GALNT18: variants seen among roughly 807,000 people sequenced by gnomAD.
GALNT18 encodes GalNAc-transferase 18.
GALNT18 carries 44 observed loss-of-function variants against 69.5 expected under a neutral mutation model. The ratio of observed to expected loss-of-function variants is 0.63; its 90% confidence interval spans 0.50 to 0.81. The LOEUF (loss-of-function observed/expected upper bound fraction) is 0.81. GALNT18 is among the 40% of genes least tolerant of loss of function. The pLI, the probability that GALNT18 is intolerant of heterozygous loss-of-function variation, is 0.00. For synonymous variants in GALNT18, 364 were observed against 318.2 expected, an observed-to-expected ratio of 1.14 and a Z score of -1.53; for missense variants, 715 against 810.0, an observed-to-expected ratio of 0.88 and a Z score of 1.42.
chr11:11,600,548 T>C lies in GALNT18; in HGVS notation c.235+20811A>G, dbSNP rs2133944740. On this transcript the variant is annotated intron_variant, in intron 1 of 10. Coordinates refer to ENST00000227756, the MANE Select transcript of GALNT18 (RefSeq NM_198516.3). The surrounding 1 kb of genome is among the most constrained non-coding windows in gnomAD (Gnocchi z 4.8). ...GTATTCTCTTGTAGGTGATAAGTGG[T>C]CTTTCTGTTACTGCTTCCAAGATTT... Among the ~76,000 whole-genome samples, 1 of 152,216 alleles carries C rather than the reference T, an allele frequency of 6.6e-6. No homozygotes were observed. Among genetic ancestry groups the C allele is most frequent in the Non-Finnish European group, 1.5e-5 (1 of 67,952 alleles).
intron 9 of GALNT18, among the ~76,000 whole-genome samples, chr11:11,299,314 T>G (rs1240103534): frequency 6.6e-6 from 1 of 152,148 alleles, no homozygotes; most frequent in African/African-American, 2.4e-5. Flanking sequence ...CCAGCTAATT[T>G]TTTTTACTTT....
At chr11:11,284,811 TAAAG>T (rs1055869481) in intron 10 of GALNT18, among the ~76,000 whole-genome samples, 16 of 129,272 alleles carry the variant, frequency 1.2e-4, no homozygotes, top group East Asian at 2.2e-4. Flanking sequence ...TACAGCTAGT[TAAAG>T]AAACCCTGAG....
At chr11:11,397,683 C>A (rs1388379923) in intron 3 of GALNT18, among the ~76,000 whole-genome samples, 2 of 152,148 alleles carry the variant, frequency 1.3e-5, no homozygotes, top group African/African-American at 4.8e-5. Context: ...GTTGGCCAGG[C>A]TGTTCTTGAA....
chr11:11,394,629 A>C (rs1386696740), intron 3 of GALNT18, among the ~76,000 whole-genome samples: 1 of 152,186 alleles, frequency 6.6e-6, no homozygotes, highest in Non-Finnish European at 1.5e-5. Context: ...TTTCCCCCCA[A>C]ATAACACAAG....
At chr11:11,503,634 T>C (rs535649314) in intron 1 of GALNT18, among the ~76,000 whole-genome samples, 2 of 152,332 alleles carry the variant, frequency 1.3e-5, no homozygotes, top group East Asian at 1.9e-4. Context: ...GAGTGTGAGT[T>C]TGACAGTAAG....
At position 11,605,941 on chromosome 11, in the gene GALNT18, T is replaced by C. The variant is rs928027802; in HGVS notation, c.235+15418A>G. On this transcript the variant is annotated intron_variant, in intron 1 of 10. Coordinates refer to ENST00000227756, the MANE Select transcript of GALNT18 (RefSeq NM_198516.3). This position sits in a 1 kb window ranked among gnomAD's most constrained non-coding sequence, Gnocchi z 4.7. ...ACACACACACCACTGAGCTTCAGCT[T>C]CCCTTTGATTAAATCTTGACACAGT... Among the ~76,000 whole-genome samples the C allele has an allele frequency of 2.6e-5, 4 of 152,144 alleles. No homozygotes were observed. Among genetic ancestry groups the C allele is most frequent in the African/African-American group, 7.2e-5 (3 of 41,420 alleles).
rs1490466731 is a variant in GALNT18 at position 11,356,837 on chromosome 11, A to G, written c.1092+15678T>C. On this transcript the variant is annotated intron_variant, in intron 6 of 10. Coordinates refer to ENST00000227756, the MANE Select transcript of GALNT18 (RefSeq NM_198516.3). This position sits in a 1 kb window ranked among gnomAD's most constrained non-coding sequence, Gnocchi z 4.4. Reference sequence around the variant, plus strand: ...TTTCTAGCTAATCACTTCATTATGTACTTTTTAAATTGCTTTGTTCTGTAG... The same window carrying G: ...TTTCTAGCTAATCACTTCATTATGTGCTTTTTAAATTGCTTTGTTCTGTAG... Among the ~76,000 whole-genome samples, 1 of 152,188 alleles carries G rather than the reference A, an allele frequency of 6.6e-6. No individual in the cohort carries two copies. The highest frequency in any genetic ancestry group is 1.5e-5 in the Non-Finnish European group (1 of 68,028).
At chr11:11,556,532 C>T (rs1342665853) in intron 1 of GALNT18, among the ~76,000 whole-genome samples, 1 of 152,224 alleles carries the variant, frequency 6.6e-6, no homozygotes, top group African/African-American at 2.4e-5. Flanking sequence ...ATACAAAAAT[C>T]TAACTTCTCA....
At chr11:11,537,645 ACT>A (rs1456266690) in intron 1 of GALNT18, among the ~76,000 whole-genome samples, 1 of 152,162 alleles carries the variant, frequency 6.6e-6, no homozygotes, top group African/African-American at 2.4e-5. Flanking sequence ...GTTATAAAAC[ACT>A]GTTTCCCAAA....
rs1850919314 is a variant in GALNT18 at position 11,372,027 on chromosome 11, G to A, written c.1092+488C>T. ...CAGAAAGCAGCCTGCAGTGAGCCTG[G>A]CTGCATCTTGCTGTTTATACACCCT... On this transcript the variant is annotated intron_variant, in intron 6 of 10. Coordinates refer to ENST00000227756, the MANE Select transcript of GALNT18 (RefSeq NM_198516.3). This position sits in a 1 kb window ranked among gnomAD's most constrained non-coding sequence, Gnocchi z 4.9. 6.6e-6 allele frequency among the ~76,000 whole-genome samples: 1 copy of A among 152,170 alleles called. No homozygotes were observed.
chr11:11,612,841 G>T (rs1245481276), intron 1 of GALNT18, among the ~76,000 whole-genome samples: 1 of 152,236 alleles, frequency 6.6e-6, no homozygotes, highest in Non-Finnish European at 1.5e-5. Context: ...GAAGAGTGCA[G>T]ATGCCACTTC....
intron 6 of GALNT18, among the ~76,000 whole-genome samples, chr11:11,364,188 T>A (rs1850704313): frequency 6.6e-6 from 1 of 152,208 alleles, no homozygotes; most frequent in Non-Finnish European, 1.5e-5. Flanking sequence ...TTATTGTAAA[T>A]GTCTCTACAA....
chr11:11,344,295 G>A (rs1229118377), intron 6 of GALNT18, among the ~76,000 whole-genome samples: 3 of 151,950 alleles, frequency 2.0e-5, no homozygotes, highest in Non-Finnish European at 4.4e-5. Context: ...CACATGCAAT[G>A]ACGTACCCAA....
chr11:11,499,165 TG>T (rs1398458569), intron 1 of GALNT18, among the ~76,000 whole-genome samples: 2 of 152,316 alleles, frequency 1.3e-5, no homozygotes, highest in East Asian at 3.9e-4. Context: ...TAGAACTGTA[TG>T]ACTGTGTTCA....
rs1857963119 is a variant in GALNT18 at position 11,543,037 on chromosome 11, G to T, written c.235+78322C>A. 6.6e-6 allele frequency among the ~76,000 whole-genome samples: 1 copy of T among 152,166 alleles called. No homozygotes were observed. The highest frequency in any genetic ancestry group is 2.4e-5 in the African/African-American group (1 of 41,430). On this transcript the variant is annotated intron_variant, in intron 1 of 10. Transcript: ENST00000227756. The surrounding 1 kb of genome is among the most constrained non-coding windows in gnomAD (Gnocchi z 5.1). ...ATGACCTTCCTCAAGGTTGTTTCAG[G>T]CACTAAATGCACCAGTGTGTCTAAA...
At position 11,432,502 on chromosome 11, in the gene GALNT18, G is replaced by A; in HGVS notation, c.595+119C>T. The A allele has an allele frequency of 9.9e-7, 1 of 1,013,010 alleles. No individual in the cohort carries two copies. Among genetic ancestry groups the A allele is most frequent in the Non-Finnish European group, 1.4e-6 (1 of 700,898 alleles). 62.8% of individuals were successfully genotyped at this position (1,013,010 alleles called of 1,614,324 possible). ...TGGCCACCATGAATTTCTCATCTAT[G>A]CTCCAGAGAAAGAGCAGCCACAGAC... On this transcript the variant is annotated intron_variant, in intron 3 of 10. Transcript: ENST00000227756. This position sits in a 1 kb window ranked among gnomAD's most constrained non-coding sequence, Gnocchi z 5.8.
intron 3 of GALNT18, among the ~76,000 whole-genome samples, chr11:11,429,930 A>G (rs975534620): frequency 2.0e-5 from 3 of 152,168 alleles, no homozygotes; most frequent in Non-Finnish European, 4.4e-5. Context: ...GCTTGAGTCC[A>G]GGAGTTTGAG....
intron 1 of GALNT18, among the ~76,000 whole-genome samples, chr11:11,593,062 C>G (rs1859396688): frequency 6.6e-6 from 1 of 152,134 alleles, no homozygotes; most frequent in Non-Finnish European, 1.5e-5. Flanking sequence ...ACTACAGGCA[C>G]CCCCCAACGC....
intron 3 of GALNT18, among the ~76,000 whole-genome samples, chr11:11,397,016 C>A (rs1308708196): frequency 2.0e-5 from 3 of 152,074 alleles, no homozygotes; most frequent in African/African-American, 4.8e-5. Context: ...AACAAATGCA[C>A]CCCCATGGCA....
Sources: allele counts gnomAD v4.1 joint callset (sites outside exome capture counted in the v4.1 genomes callset), GRCh38; gene constraint gnomAD v4.1.1; non-coding constraint Gnocchi (gnomAD v3.1); transcripts MANE v1.5; gene names NCBI Gene and HGNC (gene_info 2026-07-23, HGNC 2026-07-21).